The following PCM1 variants were observed in gnomAD, a reference collection of about 807,000 sequenced individuals.
PCM1 encodes pericentriolar material 1.
Under a neutral mutation model 241.9 loss-of-function variants are expected in PCM1, and 157 were observed. The observed-to-expected ratio is 0.65, with a 90% CI of 0.57 to 0.74. PCM1 has a LOEUF of 0.74. Among genes scored for constraint, PCM1 ranks in the 30% least tolerant of loss-of-function variants. The pLI is 0.00. For missense variants in PCM1, 3,478 were observed against 2,360.1 expected (o/e 1.47, Z -9.81); for synonymous variants, 1,085 against 784.9 (o/e 1.38, Z -6.39).
chr8:18,009,440 T>C, intron 30 of PCM1, 107 bp from the exon 31 acceptor site: 1 of 701,028 alleles, frequency 1.4e-6, no homozygotes, highest in Non-Finnish European at 2.4e-6. Flanking sequence ...CTATCTTTCC[T>C]TAGTAATCAT....
At chr8:17,948,002 CTTATT>C (rs2064467518) in intron 7 of PCM1, among the ~76,000 whole-genome samples, 1 of 152,160 alleles carries the variant, frequency 6.6e-6, no homozygotes, top group Non-Finnish European at 1.5e-5. Flanking sequence ...CACCTTCAAA[CTTATT>C]TTAGTTTCTC....
chr8:18,026,481 G>T (rs955135863), intron 38 of PCM1, among the ~76,000 whole-genome samples: 1 of 151,022 alleles, frequency 6.6e-6, no homozygotes, highest in Non-Finnish European at 1.5e-5. Flanking sequence ...AGATGGTCTC[G>T]ATCTCCTGAC....
Position 17,957,367 on chromosome 8 carries a change from A to G in PCM1, c.1750A>G (p.Ile584Val), listed in dbSNP as rs759747967. 2 of 1,612,862 alleles carry G rather than the reference A, an allele frequency of 1.2e-6. No homozygotes were observed. Among genetic ancestry groups the G allele is most frequent in the South Asian group, 1.1e-5 (1 of 91,078 alleles). ...GCGAACAGTTAATTCTAATTGTGAA[A>G]TTAACAACAGATCTGCTGCCAACAT... is the stretch of plus-strand genomic sequence containing the variant. ...DGRTVNSNCEINNRSAANIRA... is the reference protein window; with the variant it reads ...DGRTVNSNCEVNNRSAANIRA... Residue 584 changes from isoleucine to valine, a missense_variant, in exon 12 of 39, where the codon ATT becomes GTT. By Grantham distance (29) the Ile-to-Val change is conservative. Transcript: ENST00000325083.
At chr8:17,946,647 C>G (rs1244797906) in intron 6 of PCM1, among the ~76,000 whole-genome samples, 1 of 152,130 alleles carries the variant, frequency 6.6e-6, no homozygotes, top group Non-Finnish European at 1.5e-5. Context: ...CAGGCGCACA[C>G]CGCCACACCC....
rs774020762 is a variant in PCM1, at chr8:17,928,689, T to A, written c.-23+3909T>A. On this transcript the variant is annotated intron_variant, in intron 2 of 38. Coordinates refer to ENST00000325083, the MANE Select transcript of PCM1 (RefSeq NM_006197.4). ...CTCTTGTTGCCCAGGCTGAGTGCAA[T>A]GGCACTATCTCCGCTCACTGTAACC... Among the ~76,000 whole-genome samples the A allele has an allele frequency of 6.9e-4, 98 of 141,108 alleles. 1 individual carries two copies. Among genetic ancestry groups the A allele is most frequent in the Non-Finnish European group, 1.1e-3 (72 of 66,092 alleles). The allele number at this position is 141,108 out of a possible 152,430, so 92.6% of individuals were successfully genotyped here.
At chr8:18,021,963 C>T (rs1320702047) in intron 36 of PCM1, among the ~76,000 whole-genome samples, 1 of 152,166 alleles carries the variant, frequency 6.6e-6, no homozygotes, top group Admixed American at 6.5e-5. Context: ...TTGTGAACTG[C>T]CTACCAGTGA....
In PCM1 at chr8:17,947,293, G is replaced by T. The variant is rs1347408896; in HGVS notation, c.891G>T (p.Gln297His). The T allele has an allele frequency of 6.2e-7, 1 of 1,612,998 alleles. No individual in the cohort carries two copies. Among genetic ancestry groups the T allele is most frequent in the African/African-American group, 1.3e-5 (1 of 75,006 alleles). ...LQQQEQLRAL[Q>H]GRQAALLALQ... is the part of the protein sequence containing the mutation. The stretch of plus-strand genomic sequence containing the variant: ...AGCAGGAGCAACTAAGAGCTCTACA[G>T]GGACGGCAGGCTGCACTTCTAGCTC... The change falls in exon 7 of 39, where the codon CAG becomes CAT. Residue 297 changes from glutamine to histidine, a missense_variant. Physicochemically the swap from Gln to His is conservative, Grantham distance 24. Transcript: ENST00000325083.
chr8:17,962,925 A>G (rs2073155221), intron 16 of PCM1, 176 bp from the exon 17 acceptor site: 1 of 516,590 alleles, frequency 1.9e-6, no homozygotes, highest in Non-Finnish European at 3.3e-6. Flanking sequence ...AAATTGGCTG[A>G]TTTTTTTGTA....
chr8:17,938,474 C>G (rs982190697), intron 4 of PCM1, among the ~76,000 whole-genome samples: 5 of 152,134 alleles, frequency 3.3e-5, no homozygotes, highest in African/African-American at 7.2e-5. Context: ...AAGGGGTACT[C>G]AAGCTGTACT....
intron 36 of PCM1, among the ~76,000 whole-genome samples, chr8:18,020,733 G>A (rs1177242895): frequency 6.6e-6 from 1 of 152,178 alleles, no homozygotes; most frequent in Admixed American, 6.5e-5. Context: ...AGGACAACCC[G>A]AAGAATTACG....
At chr8:17,944,528 G>A (rs1336632891) in intron 6 of PCM1, among the ~76,000 whole-genome samples, 1 of 152,120 alleles carries the variant, frequency 6.6e-6, no homozygotes, top group Non-Finnish European at 1.5e-5. Flanking sequence ...AGGGTTTGAT[G>A]CCTAAGTTAT....
chr8:17,956,777 G>A lies in PCM1; in HGVS notation c.1646G>A (p.Arg549Gln), dbSNP rs755454884. 2.7e-5 allele frequency: 44 copies of A among 1,603,028 alleles called. No homozygotes were observed. Among genetic ancestry groups the A allele is most frequent in the African/African-American group, 8.0e-5 (6 of 74,742 alleles). The part of the protein sequence containing the change: ...HENSEPVTNI[R>Q]NPQVASTWNE... ...AATTCCGAGCCTGTTACTAACATTC[G>A]GTAAGAACTTTTCTGGGGATGTTTT... Residue 549 changes from arginine to glutamine, a missense_variant and splice_region_variant, in exon 11 of 39, where the codon CGA becomes CAA. Arg to Gln is a conservative substitution (Grantham distance 43). Coordinates refer to ENST00000325083, the MANE Select transcript of PCM1 (RefSeq NM_006197.4).
At chr8:17,987,139 T>TAAA (rs1327748992) in intron 26 of PCM1, among the ~76,000 whole-genome samples, 1 of 151,932 alleles carries the variant, frequency 6.6e-6, no homozygotes, top group African/African-American at 2.4e-5. Context: ...TACATGGTTT[T>TAAA]AATTAACTTT....
chr8:17,951,202 G>C (rs2129458390), intron 8 of PCM1, among the ~76,000 whole-genome samples: 1 of 152,306 alleles, frequency 6.6e-6, no homozygotes, highest in African/African-American at 2.4e-5. Flanking sequence ...GTTATAATTT[G>C]ATGCACTTTG....
intron 36 of PCM1, among the ~76,000 whole-genome samples, chr8:18,022,481 CCA>C: frequency 6.6e-6 from 1 of 152,292 alleles, no homozygotes; most frequent in Non-Finnish European, 1.5e-5. Flanking sequence ...AAATCTACTC[CCA>C]CACACACTTG....
chr8:17,969,887 C>T (rs530983381), intron 22 of PCM1, 139 bp downstream of exon 22: 27 of 650,224 alleles, frequency 4.2e-5, no homozygotes, highest in Middle Eastern at 3.9e-4. Context: ...GAAACTTTGA[C>T]GTATCAGTAG....
intron 2 of PCM1, among the ~76,000 whole-genome samples, chr8:17,929,428 C>G (rs1010116353): frequency 3.0e-4 from 45 of 152,168 alleles, no homozygotes; most frequent in Admixed American, 2.9e-3. Flanking sequence ...GTGGATGACT[C>G]TCCAGCCCAG....
chr8:18,010,628 A>C lies in PCM1; in HGVS notation c.5180A>C (p.Asp1727Ala). The C allele has an allele frequency of 6.2e-7, 1 of 1,603,034 alleles. No individual in the cohort carries two copies. The highest frequency in any genetic ancestry group is 8.5e-7 in the Non-Finnish European group (1 of 1,175,270). The change falls in exon 32 of 39, where the codon GAT becomes GCT. Residue 1727 changes from aspartate to alanine, a missense_variant. By Grantham distance (126) the Asp-to-Ala change is moderately radical (BLOSUM62 -2). Coordinates refer to ENST00000325083, the MANE Select transcript of PCM1 (RefSeq NM_006197.4). Reference protein sequence around the residue: ...CAKEAKRILEDHGSPAGEIDD... With the variant: ...CAKEAKRILEAHGSPAGEIDD... Reference sequence around the variant, plus strand: ...TTAAAGGCTAAAAGGATTCTTGAAGATCATGGCTCACCTGCTGGAGAGATT... The same window carrying C: ...TTAAAGGCTAAAAGGATTCTTGAAGCTCATGGCTCACCTGCTGGAGAGATT...
Position 17,985,991 on chromosome 8 carries a change from T to C in PCM1, c.4314T>C (p.His1438=), listed in dbSNP as rs539499756. ...TATCCAGACATATTTCTGAGAGCCATGAAAAAGGAGAAAATGTAAAGTCAG... is the reference window on the plus strand; with the variant it reads ...TATCCAGACATATTTCTGAGAGCCACGAAAAAGGAGAAAATGTAAAGTCAG... ...DIVSRHISES[H]EKGENVKSVN... The change falls in exon 26 of 39, where the codon CAT becomes CAC. Residue 1438 remains histidine, a synonymous_variant. Coordinates refer to ENST00000325083, the MANE Select transcript of PCM1 (RefSeq NM_006197.4). 42 of 1,584,410 alleles carry C rather than the reference T, an allele frequency of 2.7e-5. No homozygotes were observed. In the East Asian group the frequency reaches 7.0e-4, roughly 26 times the overall value.
Sources: gnomAD v4.1 joint callset for allele counts (sites outside exome capture counted in the v4.1 genomes callset) on GRCh38, gnomAD v4.1.1 for gene constraint, MANE v1.5 for transcripts, NCBI Gene and HGNC (gene_info 2026-07-23, HGNC 2026-07-21) for gene names.